Variants in USH2A observed in about 807,000 individuals in gnomAD.
USH2A encodes the protein usherin, also known as Usher syndrome 2A (autosomal recessive, mild).
Under a neutral mutation model 538.9 loss-of-function variants are expected in USH2A, and 443 were observed. The ratio of observed to expected loss-of-function variants is 0.82; its 90% CI spans 0.76 to 0.89. USH2A has a LOEUF of 0.89. Ranked by LOEUF, USH2A falls within the 40% of genes least tolerant of loss-of-function variation. The pLI is 0.00. For synonymous variants in USH2A, 2,413 were observed against 2,273.5 expected (o/e 1.06, Z -1.75); for missense variants, 6,633 against 6,324.8 (o/e 1.05, Z -1.65).
intron 56 of USH2A, among the ~76,000 whole-genome samples, chr1:215,763,601 C>A (rs1460648190): frequency 1.3e-5 from 2 of 152,072 alleles, no homozygotes; most frequent in Non-Finnish European, 2.9e-5. Context: ...GAAGTTAAAA[C>A]TTGAGGGGTC....
intron 12 of USH2A, 123 bp downstream of exon 12, chr1:216,250,779 GT>G (rs570199293): frequency 6.0e-5 from 58 of 969,638 alleles, no homozygotes; most frequent in Middle Eastern, 4.2e-4. Context: ...CATCCAAATT[GT>G]TTTTTTTTCC....
chr1:216,402,154 T>C (rs58630112), intron 3 of USH2A, among the ~76,000 whole-genome samples: 1,765 of 152,270 alleles, frequency 0.012, 33 homozygotes, highest in African/African-American at 0.041. Context: ...GACTACATTC[T>C]GGCCTGTTAA....
chr1:216,283,118 G>A (rs1042349773), intron 11 of USH2A, among the ~76,000 whole-genome samples: 1 of 151,966 alleles, frequency 6.6e-6, no homozygotes, highest in Non-Finnish European at 1.5e-5. Flanking sequence ...ATGTAGTCTC[G>A]TTCTGTCGCC....
chr1:216,015,219 A>T (rs955031796), intron 32 of USH2A, among the ~76,000 whole-genome samples: 69 of 152,286 alleles, frequency 4.5e-4, no homozygotes, highest in Non-Finnish European at 3.7e-4. Flanking sequence ...CTGCTAGGTT[A>T]TGGTTCAGTG....
At chr1:215,972,601 A>G (rs1284611726) in intron 35 of USH2A, among the ~76,000 whole-genome samples, 1 of 152,200 alleles carries the variant, frequency 6.6e-6, no homozygotes, top group Non-Finnish European at 1.5e-5. Flanking sequence ...AGGACAATAC[A>G]TTCATTTAGG....
chr1:215,689,692 G>A (rs951349703), intron 61 of USH2A, among the ~76,000 whole-genome samples: 1 of 152,222 alleles, frequency 6.6e-6, no homozygotes, highest in Non-Finnish European at 1.5e-5. Flanking sequence ...GAACTAGGTG[G>A]TCTCTAGGAC....
chr1:216,359,942 A>G (rs1345679672), intron 4 of USH2A, among the ~76,000 whole-genome samples: 2 of 152,142 alleles, frequency 1.3e-5, no homozygotes, highest in Admixed American at 6.6e-5. Context: ...GTGGGGCAAC[A>G]GGGACTCTCT....
intron 11 of USH2A, among the ~76,000 whole-genome samples, chr1:216,276,178 A>G (rs1457155279): frequency 6.6e-6 from 1 of 152,180 alleles, no homozygotes; most frequent in Non-Finnish European, 1.5e-5. Context: ...TAACTGCTTT[A>G]CCAGCTTTGG....
intron 55 of USH2A, among the ~76,000 whole-genome samples, chr1:215,778,918 A>C (rs1477120115): frequency 1.3e-5 from 2 of 152,362 alleles, no homozygotes; most frequent in East Asian, 3.9e-4. Flanking sequence ...CAAATTGCAT[A>C]GTGCACTCAA....
Position 215,741,237 on chromosome 1 carries a change from T to C in USH2A, c.11711+138A>G, listed in dbSNP as rs550203147. 8.3e-6 allele frequency: 9 copies of C among 1,087,340 alleles called. No homozygotes were observed. In the Admixed American group the frequency reaches 1.6e-4, roughly 19 times the overall value. The allele number at this position is 1,087,340 out of a possible 1,614,324, so 67.4% of individuals were successfully genotyped here. On this transcript the variant is annotated intron_variant, in intron 60 of 71. Coordinates refer to ENST00000307340, the MANE Select transcript of USH2A (RefSeq NM_206933.4). ...GGTGCTACAAACAAACAAACAAACA[T>C]ACAAAACAAAACAAAAAAAAACACA...
At chr1:216,398,808 C>A (rs2039260514) in intron 3 of USH2A, among the ~76,000 whole-genome samples, 1 of 152,188 alleles carries the variant, frequency 6.6e-6, no homozygotes, top group South Asian at 2.1e-4. Context: ...AGCTGATCTT[C>A]CATTCTCCAC....
In USH2A at chr1:216,028,827, A is replaced by G. The variant is rs75406634; in HGVS notation, c.6325+17604T>C. ...ACATACACAAAATGTTACATAAAAG[A>G]ATGCTGAGCAAGCAATTTGGTAATA... On this transcript the variant is annotated intron_variant, in intron 32 of 71. Coordinates refer to ENST00000307340, the MANE Select transcript of USH2A (RefSeq NM_206933.4). Among the ~76,000 whole-genome samples the G allele has an allele frequency of 1.4e-3, 220 of 152,224 alleles. 1 individual carries two copies. Among genetic ancestry groups the G allele is most frequent in the African/African-American group, 5.2e-3 (216 of 41,554 alleles).
At chr1:216,010,959 C>T (rs547428434) in intron 32 of USH2A, among the ~76,000 whole-genome samples, 10 of 152,180 alleles carry the variant, frequency 6.6e-5, no homozygotes, top group South Asian at 4.1e-4. Context: ...TCATTAAAAC[C>T]TAATCACCCT....
At chr1:215,719,019 C>A (rs920250403) in intron 61 of USH2A, among the ~76,000 whole-genome samples, 5 of 152,230 alleles carry the variant, frequency 3.3e-5, no homozygotes, top group African/African-American at 1.2e-4. Context: ...ACTTGACTCA[C>A]AGGTCAAACA....
intron 9 of USH2A, among the ~76,000 whole-genome samples, chr1:216,302,916 T>A (rs1297101337): frequency 6.6e-6 from 1 of 152,096 alleles, no homozygotes; most frequent in African/African-American, 2.4e-5. Flanking sequence ...CCTATTTTTT[T>A]AAACAGTATT....
At chr1:216,241,821 C>T (rs746370435) in intron 13 of USH2A, among the ~76,000 whole-genome samples, 3 of 152,116 alleles carry the variant, frequency 2.0e-5, no homozygotes, top group African/African-American at 4.8e-5. Flanking sequence ...CATGAGCCAC[C>T]ATGTGCGGCC....
At chr1:215,809,922 C>T (rs1477118420) in intron 49 of USH2A, among the ~76,000 whole-genome samples, 3 of 152,118 alleles carry the variant, frequency 2.0e-5, no homozygotes, top group African/African-American at 7.2e-5. Context: ...GACCATTGCG[C>T]TTTTTTCCCC....
At chr1:216,138,663 T>C (rs1401746653) in intron 21 of USH2A, among the ~76,000 whole-genome samples, 1 of 152,200 alleles carries the variant, frequency 6.6e-6, no homozygotes, top group Non-Finnish European at 1.5e-5. Flanking sequence ...TATTTGACTC[T>C]GTTCTAGCAA....
Position 215,929,455 on chromosome 1 carries a change from G to A in USH2A, c.7300+5161C>T, listed in dbSNP as rs758331623. On this transcript the variant is annotated intron_variant, in intron 38 of 71. Coordinates refer to ENST00000307340, the MANE Select transcript of USH2A (RefSeq NM_206933.4). Reference sequence around the variant, plus strand: ...AGCAGGGTTACTGGCCTGGCCATATGTATGTCAACATGTTAAGGGGTAAGT... The same window carrying A: ...AGCAGGGTTACTGGCCTGGCCATATATATGTCAACATGTTAAGGGGTAAGT... 4.4e-4 allele frequency among the ~76,000 whole-genome samples: 67 copies of A among 152,088 alleles called. 1 individual carries two copies. Among genetic ancestry groups the A allele is most frequent in the South Asian group, 1.9e-3 (9 of 4,820 alleles).
Sources: allele counts gnomAD v4.1 joint callset (sites outside exome capture counted in the v4.1 genomes callset), GRCh38; gene constraint gnomAD v4.1.1; transcripts MANE v1.5; gene names NCBI Gene and HGNC (gene_info 2026-07-23, HGNC 2026-07-21).